Variants in THSD7A observed in about 807,000 individuals in gnomAD.
THSD7A encodes the protein thrombospondin type-1 domain-containing protein 7A.
Under a neutral mutation model 231.3 loss-of-function variants are expected in THSD7A, and 96 were observed. The observed-to-expected ratio is 0.41, with a 90% CI of 0.35 to 0.49. The LOEUF (loss-of-function observed/expected upper bound fraction) is 0.49. Ranked by LOEUF, THSD7A falls within the 20% of genes least tolerant of loss-of-function variation. The probability of loss-of-function intolerance (pLI) is 0.05; values close to 1 mark genes in which losing one functional copy is unlikely to be tolerated. For synonymous variants in THSD7A, 940 were observed against 743.3 expected, an observed-to-expected ratio of 1.26 and a Z score of -4.30; for missense variants, 2,290 against 2,070.2, an observed-to-expected ratio of 1.11 and a Z score of -2.06.
At chr7:11,635,556 A>G (rs1317535660) in intron 2 of THSD7A, among the ~76,000 whole-genome samples, 1 of 152,162 alleles carries the variant, frequency 6.6e-6, no homozygotes, top group African/African-American at 2.4e-5. Context: ...GAATGAGGCT[A>G]CTCATGATTC....
At chr7:11,647,213 A>G (rs983861839) in intron 1 of THSD7A, among the ~76,000 whole-genome samples, 1 of 152,014 alleles carries the variant, frequency 6.6e-6, no homozygotes, top group Non-Finnish European at 1.5e-5. Flanking sequence ...TATTATGGCT[A>G]GTTCAATGTC....
At chr7:11,823,944 T>G (rs1784949467) in intron 1 of THSD7A, among the ~76,000 whole-genome samples, 1 of 152,018 alleles carries the variant, frequency 6.6e-6, no homozygotes, top group Non-Finnish European at 1.5e-5. Context: ...AGACAAGATA[T>G]AAACAGTAGT....
At chr7:11,772,088 G>C (rs906953299) in intron 1 of THSD7A, among the ~76,000 whole-genome samples, 2 of 152,120 alleles carry the variant, frequency 1.3e-5, no homozygotes, top group Non-Finnish European at 2.9e-5. Flanking sequence ...CCAGTCTTCA[G>C]TATTTCTTTA....
At chr7:11,650,813 G>GTTTTC (rs1782471878) in intron 1 of THSD7A, among the ~76,000 whole-genome samples, 1 of 151,230 alleles carries the variant, frequency 6.6e-6, no homozygotes, top group South Asian at 2.1e-4. Flanking sequence ...TATTTGTTTT[G>GTTTTC]TTTTGTTTTG....
rs1783598852 is a variant in THSD7A at position 11,406,856 on chromosome 7, G to T, written c.4062+54C>A. On this transcript the variant is annotated intron_variant, in intron 21 of 27. Coordinates refer to ENST00000423059, the MANE Select transcript of THSD7A (RefSeq NM_015204.3). The surrounding 1 kb of genome is among the most constrained non-coding windows in gnomAD (Gnocchi z 4.7). ...ATTATTTTTATGTTTTTCTGCAGAT[G>T]AAGTCTCTGCAGATAGAGTACACAC... 1 of 1,565,586 alleles carries T rather than the reference G, an allele frequency of 6.4e-7. No individual in the cohort carries two copies.
intron 6 of THSD7A, among the ~76,000 whole-genome samples, chr7:11,535,509 C>T (rs2158260): frequency 0.082 from 12,475 of 151,602 alleles, 790 homozygotes; most frequent in East Asian, 0.18. Context: ...AACCCAATTA[C>T]AGGAAACAAA....
intron 6 of THSD7A, among the ~76,000 whole-genome samples, chr7:11,507,993 G>A (rs1341460727): frequency 6.6e-6 from 1 of 152,162 alleles, no homozygotes; most frequent in Non-Finnish European, 1.5e-5. Flanking sequence ...CATGGCAGAA[G>A]GTAAAGTGTA....
intron 7 of THSD7A, among the ~76,000 whole-genome samples, chr7:11,477,997 A>G (rs1165180907): frequency 3.3e-5 from 5 of 152,180 alleles, no homozygotes; most frequent in African/African-American, 9.7e-5. Flanking sequence ...TCCAATTCCA[A>G]TGCTGTACCA....
chr7:11,830,017 A>G (rs1785148699), intron 1 of THSD7A, among the ~76,000 whole-genome samples: 1 of 152,224 alleles, frequency 6.6e-6, no homozygotes, highest in Non-Finnish European at 1.5e-5. Context: ...GTGTCATCAC[A>G]TTTACATGCA....
Position 11,377,582 on chromosome 7 carries a change from G to A in THSD7A, c.4802-925C>T, listed in dbSNP as rs904649467. On this transcript the variant is annotated intron_variant, in intron 26 of 27. Coordinates refer to ENST00000423059, the MANE Select transcript of THSD7A (RefSeq NM_015204.3). The surrounding 1 kb of genome is among the most constrained non-coding windows in gnomAD (Gnocchi z 4.5). Reference sequence around the variant, plus strand: ...ATTTTTTTGCCCGGAGTTAGATCAAGTTAGAGGTTCATTTGCTGGGAATAA... The same window carrying A: ...ATTTTTTTGCCCGGAGTTAGATCAAATTAGAGGTTCATTTGCTGGGAATAA... Among the ~76,000 whole-genome samples the A allele has an allele frequency of 1.3e-5, 2 of 152,060 alleles. No homozygotes were observed. The highest frequency in any genetic ancestry group is 6.6e-5 in the Admixed American group (1 of 15,232).
At chr7:11,396,494 T>C (rs1013597294) in intron 23 of THSD7A, among the ~76,000 whole-genome samples, 5 of 152,158 alleles carry the variant, frequency 3.3e-5, no homozygotes, top group African/African-American at 4.8e-5. Flanking sequence ...TATCAGAGCA[T>C]ACTATAAACA....
chr7:11,773,049 G>A (rs1371937777), intron 1 of THSD7A, among the ~76,000 whole-genome samples: 1 of 152,022 alleles, frequency 6.6e-6, no homozygotes, highest in Non-Finnish European at 1.5e-5. Flanking sequence ...AGAATGAAGA[G>A]CCTAAGAAAC....
chr7:11,812,919 G>A (rs150929277), intron 1 of THSD7A, among the ~76,000 whole-genome samples: 156 of 152,228 alleles, frequency 1.0e-3, no homozygotes, highest in African/African-American at 3.6e-3. Flanking sequence ...CATGAAAGGA[G>A]AATTTATTAT....
chr7:11,472,595 G>A (rs185276185), intron 8 of THSD7A, among the ~76,000 whole-genome samples: 2 of 152,132 alleles, frequency 1.3e-5, no homozygotes, highest in Admixed American at 1.3e-4. Context: ...GGCTGCAAGG[G>A]TGAAGCAAAT....
chr7:11,625,817 G>A (rs1205584271), intron 2 of THSD7A, among the ~76,000 whole-genome samples: 4 of 152,068 alleles, frequency 2.6e-5, no homozygotes, highest in South Asian at 2.1e-4. Context: ...GAGTCAGAGC[G>A]AAACTCAATA....
rs184243550 is a variant in THSD7A at position 11,452,996 on chromosome 7, A to G, written c.2606-5572T>C. ...AAAGCAAGCTCCTTCTCTTTTTCCT[A>G]CCTAGTTCTTTTTCCACTTCTTTTT... On this transcript the variant is annotated intron_variant, in intron 11 of 27. Transcript: ENST00000423059. Among the ~76,000 whole-genome samples the G allele has an allele frequency of 2.9e-4, 44 of 152,056 alleles. No individual in the cohort carries two copies. The East Asian group carries it at 4.3e-3, about 15-fold the overall frequency.
At chr7:11,650,753 G>A (rs1012593739) in intron 1 of THSD7A, among the ~76,000 whole-genome samples, 24 of 152,186 alleles carry the variant, frequency 1.6e-4, no homozygotes, top group Admixed American at 8.5e-4. Context: ...GAGCCAAGAG[G>A]ATGCAAAATA....
chr7:11,803,506 T>G (rs565104360), intron 1 of THSD7A, among the ~76,000 whole-genome samples: 5 of 152,078 alleles, frequency 3.3e-5, no homozygotes. Context: ...GTAAGAGCTA[T>G]GAGATTGAGA....
At chr7:11,626,060 A>C (rs1467207168) in intron 2 of THSD7A, among the ~76,000 whole-genome samples, 1 of 152,152 alleles carries the variant, frequency 6.6e-6, no homozygotes, top group Non-Finnish European at 1.5e-5. Context: ...TTTCAAGTTC[A>C]TGTGGAGGAT....
Sources: allele counts gnomAD v4.1 joint callset (sites outside exome capture counted in the v4.1 genomes callset), GRCh38; gene constraint gnomAD v4.1.1; non-coding constraint Gnocchi (gnomAD v3.1); transcripts MANE v1.5; gene names NCBI Gene and HGNC (gene_info 2026-07-23, HGNC 2026-07-21).